LRBA: variants seen among roughly 807,000 people sequenced by gnomAD.
LRBA encodes the protein lipopolysaccharide-responsive and beige-like anchor protein.
In LRBA, 176 loss-of-function variants were observed where a neutral mutation model predicts 330.0. That is an observed-to-expected ratio of 0.53 (90% confidence interval 0.47 to 0.60). The LOEUF is 0.60. Among genes scored for constraint, LRBA ranks in the 20% least tolerant of loss-of-function variants. The probability of loss-of-function intolerance (pLI) is 0.00; values close to 1 mark genes in which losing one functional copy is unlikely to be tolerated. For missense variants in LRBA, 3,259 were observed against 3,444.8 expected, an observed-to-expected ratio of 0.95 and a Z score of 1.35; for synonymous variants, 1,230 against 1,193.0, an observed-to-expected ratio of 1.03 and a Z score of -0.64.
At chr4:150,542,544 T>G (rs541999162) in intron 40 of LRBA, among the ~76,000 whole-genome samples, 16 of 152,314 alleles carry the variant, frequency 1.1e-4, no homozygotes, top group African/African-American at 3.4e-4. Flanking sequence ...ATAAACTCTG[T>G]CTTGCACATA....
intron 34 of LRBA, among the ~76,000 whole-genome samples, chr4:150,775,225 T>G (rs1737109651): frequency 6.6e-6 from 1 of 152,184 alleles, no homozygotes; most frequent in South Asian, 2.1e-4. Context: ...CCTTTAAAAA[T>G]TTATTTCTCA....
intron 13 of LRBA, among the ~76,000 whole-genome samples, chr4:150,905,201 A>C (rs1189118419): frequency 6.6e-6 from 1 of 152,162 alleles, no homozygotes; most frequent in East Asian, 1.9e-4. Flanking sequence ...AAACTGAAAA[A>C]AAAAATTTGT....
At chr4:150,370,958 T>C (rs7693658) in intron 47 of LRBA, among the ~76,000 whole-genome samples, 1 of 152,084 alleles carries the variant, frequency 6.6e-6, no homozygotes, top group African/African-American at 2.4e-5. Context: ...CAATTGCTAC[T>C]TTCTAAAGCG....
intron 52 of LRBA, among the ~76,000 whole-genome samples, chr4:150,307,350 A>G (rs1049694125): frequency 6.6e-6 from 1 of 151,824 alleles, no homozygotes; most frequent in Non-Finnish European, 1.5e-5. Context: ...GTGGTGAATT[A>G]CTCTATGGTT....
chr4:150,834,193 T>C (rs898168837), intron 28 of LRBA, among the ~76,000 whole-genome samples: 1 of 152,206 alleles, frequency 6.6e-6, no homozygotes, highest in Non-Finnish European at 1.5e-5. Context: ...CCTATTAACA[T>C]TGATATGTTG....
intron 40 of LRBA, among the ~76,000 whole-genome samples, chr4:150,501,360 C>A (rs1472323440): frequency 6.6e-6 from 1 of 152,122 alleles, no homozygotes; most frequent in African/African-American, 2.4e-5. Flanking sequence ...GTCTGTAATA[C>A]CAGCACTTTG....
intron 35 of LRBA, among the ~76,000 whole-genome samples, chr4:150,741,391 T>G (rs948996616): frequency 6.6e-6 from 1 of 152,072 alleles, no homozygotes; most frequent in Admixed American, 6.5e-5. Flanking sequence ...AAATGGTGAA[T>G]AAGATTATGA....
Position 150,828,232 on chromosome 4 carries a change from C to T in LRBA, c.5119G>A (p.Ala1707Thr). 1 of 1,614,126 alleles carries T rather than the reference C, an allele frequency of 6.2e-7. No homozygotes were observed. The highest frequency in any genetic ancestry group is 1.1e-5 in the South Asian group (1 of 91,082). The part of the protein sequence containing the change: ...PALLPPACLG[A>T]LGDLSVEQPV... ...TGTTCCACAGATAGATCACCAAGGG[C>T]TCCAAGGCAGGCTGGTGGCAGAAGG... The change falls in exon 30 of 57, where the codon GCC becomes ACC. Residue 1707 changes from alanine to threonine, a missense_variant. Ala to Thr is a moderately conservative substitution (Grantham distance 58). Transcript: ENST00000651943.
intron 22 of LRBA, among the ~76,000 whole-genome samples, chr4:150,865,005 T>C (rs1752499156): frequency 1.3e-5 from 2 of 152,190 alleles, no homozygotes; most frequent in Non-Finnish European, 2.9e-5. Flanking sequence ...TCCAGCCATC[T>C]TTCCTAAGGA....
At chr4:150,529,687 A>G (rs1007366689) in intron 40 of LRBA, among the ~76,000 whole-genome samples, 2 of 151,188 alleles carry the variant, frequency 1.3e-5, no homozygotes, top group African/African-American at 4.9e-5. Context: ...ATGCCACTGC[A>G]CTCCAGCCTG....
intron 56 of LRBA, 66 bp downstream of exon 56, chr4:150,277,787 C>T: frequency 2.0e-6 from 3 of 1,505,006 alleles, no homozygotes; most frequent in South Asian, 2.4e-5. Flanking sequence ...CAGGTGTAAG[C>T]CAACACGACC....
intron 40 of LRBA, among the ~76,000 whole-genome samples, chr4:150,532,366 C>A (rs754099506): frequency 3.3e-5 from 5 of 152,118 alleles, no homozygotes; most frequent in Non-Finnish European, 7.4e-5. Context: ...TATATTGCTA[C>A]AGACAACTAA....
Position 150,852,350 on chromosome 4 carries a change from A to G in LRBA, c.3360T>C (p.Thr1120=), listed in dbSNP as rs1427774815. 1.2e-6 allele frequency: 2 copies of G among 1,613,806 alleles called. No homozygotes were observed. The highest frequency in any genetic ancestry group is 1.7e-6 in the Non-Finnish European group (2 of 1,180,004). ...GCTCTGTGGGTAGATTAGCTTCCTC[A>G]GTAGGACTGCCTTCTACTTTCAGTT... ...YVELKVEGSP[T]EEANLPTELQ... is the part of the protein sequence containing the mutation. Residue 1120 remains threonine (T), a synonymous_variant, in exon 23 of 57, where the codon ACT becomes ACC. Transcript: ENST00000651943.
intron 31 of LRBA, among the ~76,000 whole-genome samples, chr4:150,813,826 G>A (rs1744153797): frequency 6.6e-6 from 1 of 152,096 alleles, no homozygotes; most frequent in African/African-American, 2.4e-5. Flanking sequence ...TTGCCCAACT[G>A]TAGGATAATG....
At chr4:150,999,661 C>T (rs948501425) in intron 2 of LRBA, among the ~76,000 whole-genome samples, 20 of 150,864 alleles carry the variant, frequency 1.3e-4, no homozygotes, top group African/African-American at 4.1e-4. Context: ...TCCAAATTTA[C>T]ACTACTGGCA....
At position 150,487,829 on chromosome 4, in the gene LRBA, C is replaced by T; in HGVS notation, c.6454G>A (p.Val2152Met). ...LEIFMANRVAVMFNFPDPATV... is the reference protein window; with the variant it reads ...LEIFMANRVAMMFNFPDPATV... ...GCAGGGTCTGGGAAGTTGAACATCA[C>T]AGCAACTACAACAGATGATTTTTAA... Residue 2152 changes from valine (V) to methionine (M), a missense_variant, in exon 42 of 57, where the codon GTG becomes ATG. Transcript: ENST00000651943. 6.4e-7 allele frequency: 1 copy of T among 1,564,454 alleles called. No homozygotes were observed. The highest frequency in any genetic ancestry group is 8.8e-7 in the Non-Finnish European group (1 of 1,141,160).
At chr4:150,395,054 G>A (rs1352816923) in intron 47 of LRBA, among the ~76,000 whole-genome samples, 1 of 152,074 alleles carries the variant, frequency 6.6e-6, no homozygotes, top group Non-Finnish European at 1.5e-5. Context: ...GATAAGAAAG[G>A]CTACTGTGGT....
At chr4:150,386,055 G>A (rs1297990795) in intron 47 of LRBA, among the ~76,000 whole-genome samples, 1 of 152,064 alleles carries the variant, frequency 6.6e-6, no homozygotes, top group African/African-American at 2.4e-5. Context: ...CAACTGAGGT[G>A]CAATCAACTA....
chr4:150,579,197 C>T, intron 40 of LRBA: 1 of 456,668 alleles, frequency 2.2e-6, no homozygotes, highest in South Asian at 1.5e-5. Context: ...CAAGGAGCTG[C>T]TGATGGACTT....
Sources: gnomAD v4.1 joint callset for allele counts (sites outside exome capture counted in the v4.1 genomes callset) on GRCh38, gnomAD v4.1.1 for gene constraint, MANE v1.5 for transcripts, NCBI Gene and HGNC (gene_info 2026-07-23, HGNC 2026-07-21) for gene names.